ILKAP: variants seen among roughly 807,000 people sequenced by gnomAD.
ILKAP encodes the protein ILK associated serine/threonine phosphatase, also known as integrin-linked kinase-associated serine/threonine phosphatase 2C.
ILKAP carries 11 observed loss-of-function variants against 49.1 expected under a neutral mutation model. That is an observed-to-expected ratio of 0.22 (90% CI 0.14 to 0.37). The LOEUF (loss-of-function observed/expected upper bound fraction) is 0.37. ILKAP is among the 10% of genes least tolerant of loss of function. The pLI, the probability that ILKAP is intolerant of heterozygous loss-of-function variation, is 1.00. For missense variants in ILKAP, 363 were observed against 510.8 expected (o/e 0.71, Z 2.79); for synonymous variants, 186 against 192.8 (o/e 0.96, Z 0.29).
intron 3 of ILKAP, 149 bp from the exon 4 acceptor site, chr2:238,190,121 A>C: frequency 2.9e-5 from 15 of 516,926 alleles, no homozygotes; most frequent in East Asian, 8.9e-5. Context: ...TTGTGTCTTC[A>C]TGGTTGGCGG....
intron 1 of ILKAP, among the ~76,000 whole-genome samples, chr2:238,201,468 G>A (rs1042722818): frequency 6.6e-6 from 1 of 152,182 alleles, no homozygotes; most frequent in African/African-American, 2.4e-5. Context: ...GGGAGCAGCT[G>A]ACCAATCCAA....
chr2:238,193,281 C>T (rs910996457), intron 3 of ILKAP, among the ~76,000 whole-genome samples: 3 of 152,114 alleles, frequency 2.0e-5, no homozygotes, highest in African/African-American at 7.2e-5. Context: ...AGTGCAATGG[C>T]GTGATCTCAG....
chr2:238,194,957 T>C (rs1180270245), intron 1 of ILKAP, 87 bp from the exon 2 acceptor site: 11 of 1,082,340 alleles, frequency 1.0e-5, no homozygotes, highest in Non-Finnish European at 1.5e-5. Context: ...TCTCCCCTGC[T>C]TTGACACAAG....
At chr2:238,203,309 G>A (rs934360068) in intron 1 of ILKAP, among the ~76,000 whole-genome samples, 190 bp downstream of exon 1, 9 of 150,588 alleles carry the variant, frequency 6.0e-5, no homozygotes, top group African/African-American at 1.7e-4. Context: ...CGAGCTCCGC[G>A]AGCGACCGGG....
At chr2:238,182,613 C>T (rs146847624) in intron 8 of ILKAP, among the ~76,000 whole-genome samples, 3 of 152,320 alleles carry the variant, frequency 2.0e-5, no homozygotes, top group Non-Finnish European at 2.9e-5. Context: ...GGTAGGCCGT[C>T]CACACCAGTG....
At position 238,173,519 on chromosome 2, in the gene ILKAP, T is replaced by C. The variant is rs1399286817; in HGVS notation, c.956+15A>G. ...CACATGCACACACACCTGTGCCTCT[T>C]ATAGGGCCTTTTACCTGTCATTGGG... On this transcript the variant is annotated intron_variant, in intron 10 of 11. Transcript: ENST00000254654. The C allele has an allele frequency of 2.0e-6, 3 of 1,507,714 alleles. No homozygotes were observed. The highest frequency in any genetic ancestry group is 2.5e-5 in the East Asian group (1 of 39,844). The allele number at this position is 1,507,714 out of a possible 1,614,324, so 93.4% of individuals were successfully genotyped here.
chr2:238,171,047 A>G, intron 10 of ILKAP, 23 bp from the exon 11 acceptor site: 1 of 1,592,090 alleles, frequency 6.3e-7, no homozygotes, highest in East Asian at 2.2e-5. Context: ...GGAGAAATAT[A>G]AACGGGTTTT....
chr2:238,181,823 C>T (rs1045740798), intron 9 of ILKAP, among the ~76,000 whole-genome samples: 2 of 152,156 alleles, frequency 1.3e-5, no homozygotes, highest in South Asian at 4.1e-4. Context: ...ACAGAGAAAA[C>T]ACTGTGAATG....
At chr2:238,201,639 T>G (rs1694572991) in intron 1 of ILKAP, among the ~76,000 whole-genome samples, 1 of 152,232 alleles carries the variant, frequency 6.6e-6, no homozygotes, top group Non-Finnish European at 1.5e-5. Context: ...AGATTCTGAG[T>G]TGCCAGGTTT....
At chr2:238,188,952 C>G (rs1694012302) in intron 4 of ILKAP, among the ~76,000 whole-genome samples, 1 of 152,184 alleles carries the variant, frequency 6.6e-6, no homozygotes, top group East Asian at 1.9e-4. Context: ...TGGGTTTTTT[C>G]ACATACCTCT....
chr2:238,195,006 A>G, intron 1 of ILKAP, 136 bp from the exon 2 acceptor site: 1 of 638,320 alleles, frequency 1.6e-6, no homozygotes, highest in Admixed American at 2.8e-5. Context: ...CCTGTTGGGC[A>G]AATTTTTAAA....
chr2:238,197,478 A>G (rs964410034), intron 1 of ILKAP, among the ~76,000 whole-genome samples: 12 of 152,272 alleles, frequency 7.9e-5, no homozygotes, highest in Admixed American at 5.9e-4. Context: ...ACCAGGTCAT[A>G]TTTTAACTTT....
chr2:238,185,262 A>C lies in ILKAP; in HGVS notation c.451T>G (p.Phe151Val), dbSNP rs142315535. Residue 151 changes from phenylalanine (F) to valine (V), a missense_variant, in exon 6 of 12, where the codon TTT (phenylalanine) becomes GTT (valine). Phe to Val is a conservative substitution (Grantham distance 50, BLOSUM62 -1). This residue lies in a region of ILKAP where 166 missense variants were observed against 307.3 expected (regional missense o/e 0.54). Transcript: ENST00000254654. ...LITRVSYFAV[F>V]DGHGGIRASK... is the part of the protein sequence containing the mutation. ...GCTCGAATTCCTCCATGTCCATCAA[A>C]AACAGCAAAATATGAAACCCGAGTA... 6.2e-7 allele frequency: 1 copy of C among 1,613,002 alleles called. No individual in the cohort carries two copies. Among genetic ancestry groups the C allele is most frequent in the African/African-American group, 1.3e-5 (1 of 74,932 alleles).
intron 1 of ILKAP, among the ~76,000 whole-genome samples, chr2:238,203,026 C>T (rs1694637180): frequency 6.6e-6 from 1 of 152,112 alleles, no homozygotes; most frequent in Non-Finnish European, 1.5e-5. Context: ...AAACGCCAAG[C>T]CCCTGAACTT....
intron 9 of ILKAP, among the ~76,000 whole-genome samples, chr2:238,177,830 T>C (rs1693527179): frequency 6.6e-6 from 1 of 152,192 alleles, no homozygotes; most frequent in Non-Finnish European, 1.5e-5. Context: ...CTTTTGGGTA[T>C]ATACGCAGAG....
At chr2:238,189,752 G>T in intron 4 of ILKAP, 101 bp downstream of exon 4, 1 of 1,091,764 alleles carries the variant, frequency 9.2e-7, no homozygotes, top group Non-Finnish European at 1.3e-6. Context: ...CTTAAATACA[G>T]ACATAAAAAG....
chr2:238,187,613 C>T (rs2106335234), intron 5 of ILKAP, among the ~76,000 whole-genome samples: 1 of 151,814 alleles, frequency 6.6e-6, no homozygotes, highest in African/African-American at 2.4e-5. Context: ...GACTTTTGTT[C>T]TTCCTGGGCC....
chr2:238,189,267 A>C (rs1310618053), intron 4 of ILKAP, among the ~76,000 whole-genome samples: 1 of 151,998 alleles, frequency 6.6e-6, no homozygotes, highest in Non-Finnish European at 1.5e-5. Flanking sequence ...GTGAGCCGAG[A>C]TGGTGCCACT....
intron 1 of ILKAP, among the ~76,000 whole-genome samples, chr2:238,195,296 G>A (rs1043626524): frequency 2.6e-5 from 4 of 152,124 alleles, no homozygotes; most frequent in African/African-American, 9.7e-5. Context: ...GGGTGGAGGA[G>A]GGGCCTTCAA....
Sources: allele counts gnomAD v4.1 joint callset (sites outside exome capture counted in the v4.1 genomes callset), GRCh38; gene constraint gnomAD v4.1.1; regional missense constraint gnomAD v4.1.1; transcripts MANE v1.5; gene names NCBI Gene and HGNC (gene_info 2026-07-23, HGNC 2026-07-21).